The following ANP32A variants were observed in gnomAD, a reference collection of about 807,000 sequenced individuals.
ANP32A encodes the protein acidic leucine-rich nuclear phosphoprotein 32 family member A.
A neutral mutation model predicts 33.9 loss-of-function variants in ANP32A; 1 was observed. That is an observed-to-expected ratio of 0.03 (90% confidence interval 0.01 to 0.14). The LOEUF (loss-of-function observed/expected upper bound fraction) is 0.14, where lower values mean the gene tolerates loss of function less well. Among genes scored for constraint, ANP32A ranks in the 10% least tolerant of loss-of-function variants. The pLI, the probability that ANP32A is intolerant of heterozygous loss-of-function variation, is 1.00. For synonymous variants in ANP32A, 115 were observed against 120.5 expected (o/e 0.95, Z 0.30); for missense variants, 155 against 306.0 (o/e 0.51, Z 3.68).
intron 5 of ANP32A, among the ~76,000 whole-genome samples, chr15:68,782,410 C>T (rs763103326): frequency 1.3e-5 from 2 of 152,176 alleles, no homozygotes; most frequent in Non-Finnish European, 2.9e-5. Context: ...GGACACACAG[C>T]TTGCGAGTGG....
Position 68,800,743 on chromosome 15 carries a change from CAAAAAA to C in ANP32A, c.55-12830_55-12825del, listed in dbSNP as rs398070692. On this transcript the variant is annotated intron_variant, in intron 1 of 6. Transcript: ENST00000465139. Reference sequence around the variant, plus strand: ...TGGGCGACACAGCGAGACTCCGTCTCAAAAAAAAAAAAAAGAAAGAAAAGAAAAGGA... The same window carrying C: ...TGGGCGACACAGCGAGACTCCGTCTCAAAAAAAAGAAAGAAAAGAAAAGGA... Among the ~76,000 whole-genome samples the C allele has an allele frequency of 1.5e-3, 122 of 83,628 alleles. 1 individual carries two copies. In the East Asian group the frequency reaches 0.035, roughly 24 times the overall value. 54.9% of individuals were successfully genotyped at this position (83,628 alleles called of 152,430 possible).
At chr15:68,786,049 T>C (rs114854916) in intron 3 of ANP32A, among the ~76,000 whole-genome samples, 1,671 of 152,244 alleles carry the variant, frequency 0.011, 36 homozygotes, top group African/African-American at 0.038. Context: ...TGTCCTCTTC[T>C]GCCACACTGG....
intron 1 of ANP32A, among the ~76,000 whole-genome samples, chr15:68,815,813 A>G (rs1401445857): frequency 6.6e-5 from 10 of 152,318 alleles, no homozygotes; most frequent in African/African-American, 2.4e-4. Context: ...TCCTCACAAC[A>G]GGGGTGGCAT....
chr15:68,820,612 A>C, intron 1 of ANP32A, 86 bp downstream of exon 1: 1 of 374,156 alleles, frequency 2.7e-6, no homozygotes, highest in South Asian at 3.1e-5. Context: ...CCCCCCAAAA[A>C]AAGTGCCTCC....
At chr15:68,809,711 G>A (rs1894287293) in intron 1 of ANP32A, among the ~76,000 whole-genome samples, 1 of 152,174 alleles carries the variant, frequency 6.6e-6, no homozygotes, top group Non-Finnish European at 1.5e-5. Context: ...GTGTGAAGGT[G>A]TGCGCTTCGT....
chr15:68,820,328 C>T (rs1329116007), intron 1 of ANP32A, among the ~76,000 whole-genome samples: 6 of 152,136 alleles, frequency 3.9e-5, no homozygotes, highest in Non-Finnish European at 1.5e-5. Context: ...GTTAATCTTC[C>T]CCCCAGACGG....
chr15:68,782,900 C>G, intron 5 of ANP32A, 56 bp downstream of exon 5: 1 of 1,548,032 alleles, frequency 6.5e-7, no homozygotes, highest in South Asian at 1.2e-5. Flanking sequence ...CAGAGGCAGT[C>G]AGTGGGACTG....
intron 5 of ANP32A, among the ~76,000 whole-genome samples, chr15:68,781,986 C>T (rs1203547217): frequency 3.9e-5 from 6 of 152,156 alleles, no homozygotes; most frequent in African/African-American, 1.2e-4. Flanking sequence ...TGAGTGAGTC[C>T]GTGTGGCAAG....
intron 1 of ANP32A, among the ~76,000 whole-genome samples, chr15:68,815,502 T>C (rs1013110284): frequency 1.3e-5 from 2 of 152,216 alleles, no homozygotes; most frequent in Non-Finnish European, 2.9e-5. Context: ...CAAAGAGTGT[T>C]CCATACCATC....
At position 68,820,713 on chromosome 15, in the gene ANP32A, G is replaced by A. The variant is rs1349877250; in HGVS notation, c.39C>T (p.Asn13=). The part of the protein sequence containing the change: ...MGRRIHLELR[N]RTPSDVKELV... ...AAATGCTCACATCAGAGGGCGTCCTGTTCCGCAGCTCTAAATGAATCCGTC... is the reference window on the plus strand; with the variant it reads ...AAATGCTCACATCAGAGGGCGTCCTATTCCGCAGCTCTAAATGAATCCGTC... The change falls in exon 1 of 7, where the codon AAC becomes AAT. Residue 13 remains asparagine, a synonymous_variant. Transcript: ENST00000465139. 6.2e-7 allele frequency: 1 copy of A among 1,612,394 alleles called. No individual in the cohort carries two copies. The highest frequency in any genetic ancestry group is 2.2e-5 in the East Asian group (1 of 44,770).
intron 1 of ANP32A, among the ~76,000 whole-genome samples, chr15:68,800,134 A>C (rs914141834): frequency 6.6e-6 from 1 of 152,184 alleles, no homozygotes; most frequent in African/African-American, 2.4e-5. Context: ...TTATTAGATG[A>C]ATTAATAATA....
chr15:68,788,053 T>C, intron 1 of ANP32A, 134 bp from the exon 2 acceptor site: 1 of 1,148,370 alleles, frequency 8.7e-7, no homozygotes, highest in Non-Finnish European at 1.3e-6. Flanking sequence ...TCTTCTAGCT[T>C]TCCGGATCAC....
At chr15:68,812,771 GT>G (rs895151123) in intron 1 of ANP32A, among the ~76,000 whole-genome samples, 2 of 151,920 alleles carry the variant, frequency 1.3e-5, no homozygotes, top group African/African-American at 4.8e-5. Flanking sequence ...CATGGTGTCG[GT>G]TTTTCACAAA....
chr15:68,785,629 C>T lies in ANP32A; in HGVS notation c.328-1034G>A, dbSNP rs115643011. Among the ~76,000 whole-genome samples, 1,489 of 152,198 alleles carry T rather than the reference C, an allele frequency of 9.8e-3. 34 individuals are homozygous for T. Among genetic ancestry groups the T allele is most frequent in the African/African-American group, 0.034 (1,426 of 41,508 alleles). On this transcript the variant is annotated intron_variant, in intron 3 of 6. Transcript: ENST00000465139. ...TTGACAGTGGTCTGTGTGGGCAAGC[C>T]CAGCACCTGCTACCAAAAGCAGCTT...
chr15:68,784,200 G>C, intron 4 of ANP32A, 197 bp downstream of exon 4: 1 of 619,702 alleles, frequency 1.6e-6, no homozygotes. Flanking sequence ...GACAGATTAG[G>C]GACTATGGAA....
At chr15:68,802,514 T>C (rs1369677219) in intron 1 of ANP32A, among the ~76,000 whole-genome samples, 1 of 152,200 alleles carries the variant, frequency 6.6e-6, no homozygotes, top group Non-Finnish European at 1.5e-5. Context: ...GCTTCCAATC[T>C]TTTGTGTAAT....
At position 68,799,544 on chromosome 15, in the gene ANP32A, C is replaced by T. The variant is rs149716929; in HGVS notation, c.55-11625G>A. On this transcript the variant is annotated intron_variant, in intron 1 of 6. Transcript: ENST00000465139. ...AGAGAGTCAGGGAGGGTCCACATGA[C>T]TCGAGACAATGTAAAAAGGAACTTA... Among the ~76,000 whole-genome samples the T allele has an allele frequency of 4.9e-3, 753 of 152,280 alleles. 5 individuals carry two copies. The highest frequency in any genetic ancestry group is 0.014 in the African/African-American group (599 of 41,560).
intron 5 of ANP32A, 86 bp downstream of exon 5, chr15:68,782,870 G>C (rs1228773771): frequency 1.3e-6 from 2 of 1,521,986 alleles, no homozygotes; most frequent in Non-Finnish European, 1.8e-6. Context: ...CCAGGGCTCC[G>C]GGGCTGCCAA....
chr15:68,780,649 G>T lies in ANP32A; in HGVS notation c.625-176C>A. On this transcript the variant is annotated intron_variant, in intron 5 of 6. Coordinates refer to ENST00000465139, the MANE Select transcript of ANP32A (RefSeq NM_006305.4). This position sits in a 1 kb window ranked among gnomAD's most constrained non-coding sequence, Gnocchi z 4.3. ...GGTTCTTAATTTATTTCAGATCAAG[G>T]ACTCATTGGGAAATCTGCAGAAAGC... 1 of 1,072,922 alleles carries T rather than the reference G, an allele frequency of 9.3e-7. No individual in the cohort carries two copies. The highest frequency in any genetic ancestry group is 1.3e-6 in the Non-Finnish European group (1 of 786,772). The allele number at this position is 1,072,922 out of a possible 1,614,324, so 66.5% of individuals were successfully genotyped here.
Sources: allele counts gnomAD v4.1 joint callset (sites outside exome capture counted in the v4.1 genomes callset), GRCh38; gene constraint gnomAD v4.1.1; non-coding constraint Gnocchi (gnomAD v3.1); transcripts MANE v1.5; gene names NCBI Gene and HGNC (gene_info 2026-07-23, HGNC 2026-07-21).